Variants in HERPUD2 observed in about 807,000 individuals in gnomAD.
The protein encoded by HERPUD2 is homocysteine-responsive endoplasmic reticulum-resident ubiquitin-like domain member 2 protein.
A neutral mutation model predicts 49.9 loss-of-function variants in HERPUD2; 13 were observed. The ratio of observed to expected loss-of-function variants is 0.26; its 90% CI spans 0.17 to 0.41. The LOEUF (loss-of-function observed/expected upper bound fraction) is 0.41. Among genes scored for constraint, HERPUD2 ranks in the 10% least tolerant of loss-of-function variants. HERPUD2 has a pLI of 1.00. For synonymous variants in HERPUD2, 172 were observed against 171.4 expected, an observed-to-expected ratio of 1.00 and a Z score of -0.03; for missense variants, 449 against 492.2, an observed-to-expected ratio of 0.91 and a Z score of 0.83.
chr7:35,644,723 C>T (rs970150015), intron 5 of HERPUD2, among the ~76,000 whole-genome samples: 14 of 152,082 alleles, frequency 9.2e-5, no homozygotes, highest in African/African-American at 2.9e-4. Flanking sequence ...GCCAAGATCG[C>T]ACCACTGCAC....
intron 5 of HERPUD2, among the ~76,000 whole-genome samples, chr7:35,660,244 A>G (rs1021233763): frequency 2.1e-4 from 32 of 152,310 alleles, no homozygotes; most frequent in East Asian, 5.8e-4. Context: ...TCCATGGTGT[A>G]TATGTGCCAC....
chr7:35,655,323 A>G (rs1785253364), intron 5 of HERPUD2, among the ~76,000 whole-genome samples: 2 of 152,244 alleles, frequency 1.3e-5, no homozygotes, highest in African/African-American at 2.4e-5. Context: ...AAAAATCCTC[A>G]ACAAAATACA....
chr7:35,670,889 T>C (rs1785629343), intron 3 of HERPUD2, among the ~76,000 whole-genome samples: 2 of 152,046 alleles, frequency 1.3e-5, no homozygotes, highest in South Asian at 4.1e-4. Flanking sequence ...AACCTAGAAA[T>C]ATGACTGAAG....
rs1333850233 is a variant in HERPUD2, at chr7:35,682,355, GTGTATATATATATATA to G, written c.148-9093_148-9078del. 3.0e-4 allele frequency among the ~76,000 whole-genome samples: 9 copies of G among 30,368 alleles called. 2 individuals are homozygous for G. The highest frequency in any genetic ancestry group is 2.9e-3 in the South Asian group (2 of 678). The allele number at this position is 30,368 out of a possible 152,430, so 19.9% of individuals were successfully genotyped here. On this transcript the variant is annotated intron_variant, in intron 2 of 8. Transcript: ENST00000311350. ...TGTGTGTGTGTGTGTGTGTGTGTGT[GTGTATATATATATATA>G]TATATATATATATATACTTAATCGG...
At chr7:35,658,704 T>C (rs1785343237) in intron 5 of HERPUD2, among the ~76,000 whole-genome samples, 2 of 152,200 alleles carry the variant, frequency 1.3e-5, no homozygotes, top group Admixed American at 1.3e-4. Flanking sequence ...AAAAACTGAA[T>C]GTACAAAACT....
intron 5 of HERPUD2, 99 bp from the exon 6 acceptor site, chr7:35,638,571 A>G: frequency 8.6e-7 from 1 of 1,159,824 alleles, no homozygotes. Flanking sequence ...TTGACAGAAT[A>G]TATTTAAATC....
intron 5 of HERPUD2, among the ~76,000 whole-genome samples, chr7:35,662,523 A>G (rs1474099146): frequency 6.6e-6 from 1 of 152,184 alleles, no homozygotes; most frequent in Non-Finnish European, 1.5e-5. Context: ...TTTGGTTGGT[A>G]GGCTATTAAT....
At chr7:35,678,853 A>C (rs1375986628) in intron 2 of HERPUD2, among the ~76,000 whole-genome samples, 2 of 152,190 alleles carry the variant, frequency 1.3e-5, no homozygotes, top group Non-Finnish European at 2.9e-5. Context: ...AAAGTAATGG[A>C]ATTTGTCAGA....
At chr7:35,638,115 A>G (rs976624984) in intron 6 of HERPUD2, among the ~76,000 whole-genome samples, 8 of 152,180 alleles carry the variant, frequency 5.3e-5, no homozygotes, top group African/African-American at 1.9e-4. Flanking sequence ...CTCCTCTTAA[A>G]TTTATAAAAT....
chr7:35,690,357 T>C (rs1786151302), intron 2 of HERPUD2, among the ~76,000 whole-genome samples: 2 of 152,236 alleles, frequency 1.3e-5, no homozygotes, highest in Non-Finnish European at 2.9e-5. Flanking sequence ...TATGACTTTG[T>C]GAACATTTTC....
chr7:35,633,019 C>T lies in HERPUD2; in HGVS notation c.*671G>A, dbSNP rs1473241805. ...AACAGATATATCTATTCAAATTAAA[C>T]ATTAAAGGGCCAGGCTACTAGCTAT... On this transcript the variant is annotated 3_prime_UTR_variant, in exon 9 of 9. Transcript: ENST00000311350. 9 of 150,960 alleles carry T rather than the reference C, an allele frequency of 6.0e-5. No homozygotes were observed. The highest frequency in any genetic ancestry group is 2.2e-4 in the African/African-American group (9 of 41,028). 9.4% of individuals were successfully genotyped at this position (150,960 alleles called of 1,614,324 possible).
chr7:35,690,273 A>C (rs1456845852), intron 2 of HERPUD2, among the ~76,000 whole-genome samples: 1 of 152,210 alleles, frequency 6.6e-6, no homozygotes, highest in African/African-American at 2.4e-5. Context: ...TCCTAAACCA[A>C]GTCTTAAACC....
intron 5 of HERPUD2, among the ~76,000 whole-genome samples, chr7:35,654,419 A>G (rs574680335): frequency 6.6e-6 from 1 of 152,022 alleles, no homozygotes; most frequent in Admixed American, 6.5e-5. Flanking sequence ...ATTATGAACA[A>G]CTACACACTA....
At chr7:35,685,296 G>A (rs886831972) in intron 2 of HERPUD2, among the ~76,000 whole-genome samples, 4 of 148,986 alleles carry the variant, frequency 2.7e-5, no homozygotes, top group Non-Finnish European at 5.9e-5. Flanking sequence ...GCCTAAACTA[G>A]GTAAAAAGTA....
chr7:35,686,322 G>C (rs1342702571), intron 2 of HERPUD2, among the ~76,000 whole-genome samples: 1 of 150,170 alleles, frequency 6.7e-6, no homozygotes, highest in East Asian at 2.0e-4. Flanking sequence ...CAAGTAGCTG[G>C]GACTACAGGT....
chr7:35,688,604 G>A (rs1238754526), intron 2 of HERPUD2, among the ~76,000 whole-genome samples: 1 of 152,178 alleles, frequency 6.6e-6, no homozygotes, highest in Non-Finnish European at 1.5e-5. Flanking sequence ...AGAATAAAGA[G>A]ATATAACCAC....
rs1003112775 is a variant in HERPUD2, at chr7:35,694,103, G to A, written c.147+81C>T. On this transcript the variant is annotated intron_variant, in intron 2 of 8. Coordinates refer to ENST00000311350, the MANE Select transcript of HERPUD2 (RefSeq NM_022373.5). The stretch of plus-strand genomic sequence containing the variant: ...GAGACCTATTTGATTCAAGACTGGA[G>A]GGGAGAAGCAGGAAAAAGGAGGGTA... 4.1e-6 allele frequency: 6 copies of A among 1,456,168 alleles called. No individual in the cohort carries two copies. The South Asian group carries it at 4.6e-5, about 11-fold the overall frequency. The allele number at this position is 1,456,168 out of a possible 1,614,324, so 90.2% of individuals were successfully genotyped here. A position where few individuals can be genotyped will look rare whatever the true frequency, so the allele number is the denominator to read the frequency against.
In HERPUD2 at chr7:35,670,292, A is replaced by G; in HGVS notation, c.262T>C (p.Ser88Pro). The G allele has an allele frequency of 1.3e-6, 2 of 1,584,998 alleles. No homozygotes were observed. The highest frequency in any genetic ancestry group is 2.3e-5 in the South Asian group (2 of 87,746). ...TTTGGAGAACTGGGAGGAGTCCGAG[A>G]AGTACATACTAGATGAACCATATGA... is the stretch of plus-strand genomic sequence containing the variant. ...EYHMVHLVCTSRTPPSSPKSS... is the reference protein window; with the variant it reads ...EYHMVHLVCTPRTPPSSPKSS... Residue 88 changes from serine (S) to proline (P), a missense_variant, in exon 4 of 9, where the codon TCT becomes CCT. By Grantham distance (74) the Ser-to-Pro change is moderately conservative (BLOSUM62 -1). Coordinates refer to ENST00000311350, the MANE Select transcript of HERPUD2 (RefSeq NM_022373.5).
intron 5 of HERPUD2, among the ~76,000 whole-genome samples, chr7:35,645,066 G>C (rs922289109): frequency 1.3e-5 from 2 of 152,170 alleles, no homozygotes; most frequent in Non-Finnish European, 2.9e-5. Flanking sequence ...GGAAACAGAA[G>C]GGGAACTAGA....
Sources: allele counts gnomAD v4.1 joint callset (sites outside exome capture counted in the v4.1 genomes callset), GRCh38; gene constraint gnomAD v4.1.1; transcripts MANE v1.5; gene names NCBI Gene and HGNC (gene_info 2026-07-23, HGNC 2026-07-21).